The following SMAP1 variants were observed in gnomAD, a reference collection of about 807,000 sequenced individuals.
SMAP1 encodes stromal membrane-associated protein 1.
In SMAP1, 24 loss-of-function variants were observed where a neutral mutation model predicts 58.5. The ratio of observed to expected loss-of-function variants is 0.41; its 90% CI spans 0.30 to 0.58. The LOEUF (loss-of-function observed/expected upper bound fraction) is 0.58. Among genes scored for constraint, SMAP1 ranks in the 20% least tolerant of loss-of-function variants. The pLI is 0.29. For synonymous variants in SMAP1, 216 were observed against 196.6 expected (o/e 1.10, Z -0.82); for missense variants, 563 against 566.3 (o/e 0.99, Z 0.06).
chr6:70,676,277 CTCAAAGCATAATT>C (rs1285642750), intron 1 of SMAP1, among the ~76,000 whole-genome samples: 3 of 152,136 alleles, frequency 2.0e-5, no homozygotes, highest in Non-Finnish European at 4.4e-5. Flanking sequence ...TCTTGGGGAA[CTCAAAGCATAATT>C]GGTAATATAT....
intron 5 of SMAP1, among the ~76,000 whole-genome samples, chr6:70,795,521 C>A (rs1325379782): frequency 2.0e-5 from 3 of 152,142 alleles, no homozygotes; most frequent in Non-Finnish European, 2.9e-5. Flanking sequence ...GGCAGGAAAT[C>A]TCTCTGGGGC....
At chr6:70,847,171 A>G (rs909816603) in intron 7 of SMAP1, among the ~76,000 whole-genome samples, 3 of 152,196 alleles carry the variant, frequency 2.0e-5, no homozygotes, top group Non-Finnish European at 4.4e-5. Flanking sequence ...TACAGTTAAT[A>G]GAGTCATTTG....
intron 7 of SMAP1, among the ~76,000 whole-genome samples, chr6:70,844,369 AAGAC>A (rs1213751141): frequency 1.3e-5 from 2 of 152,104 alleles, no homozygotes; most frequent in Non-Finnish European, 2.9e-5. Flanking sequence ...TGTCTTCTGA[AAGAC>A]AGTAGCACCA....
chr6:70,705,124 A>G (rs939863898), intron 1 of SMAP1, among the ~76,000 whole-genome samples: 28 of 152,200 alleles, frequency 1.8e-4, no homozygotes, highest in Admixed American at 1.2e-3. Flanking sequence ...GTGAATGAAC[A>G]ATTAAGCTTC....
intron 2 of SMAP1, among the ~76,000 whole-genome samples, chr6:70,754,197 A>G (rs1468929247): frequency 1.1e-4 from 17 of 152,148 alleles, no homozygotes; most frequent in Non-Finnish European, 8.8e-5. Context: ...TAATATTGTA[A>G]TGTTCTTAAA....
At chr6:70,796,970 A>C (rs1020214597) in intron 5 of SMAP1, among the ~76,000 whole-genome samples, 4 of 152,130 alleles carry the variant, frequency 2.6e-5, no homozygotes, top group Non-Finnish European at 4.4e-5. Flanking sequence ...GCAATATACC[A>C]ATAGTTTGTT....
chr6:70,682,170 A>ATTTTTTTTTTTTTTTTTTTTTTTTT (rs66981900), intron 1 of SMAP1, among the ~76,000 whole-genome samples: 1 of 95,918 alleles, frequency 1.0e-5, no homozygotes, highest in Non-Finnish European at 2.0e-5. Context: ...CTCTGCACAG[A>ATTTTTTTTTTTTTTTTTTTTTTTTT]TTTTTTTTTT....
intron 10 of SMAP1, chr6:70,859,386 A>G (rs1771595261): frequency 6.5e-7 from 1 of 1,549,300 alleles, no homozygotes; most frequent in African/African-American, 1.4e-5. Flanking sequence ...CTACTGGCCA[A>G]TGACAAGGTG....
At chr6:70,786,374 T>A (rs1230200593) in intron 4 of SMAP1, among the ~76,000 whole-genome samples, 2 of 143,390 alleles carry the variant, frequency 1.4e-5, no homozygotes, top group African/African-American at 5.3e-5. Flanking sequence ...CTGGAAGCAT[T>A]CCCTTTGAAA....
intron 6 of SMAP1, among the ~76,000 whole-genome samples, chr6:70,809,486 C>T (rs1054592851): frequency 1.3e-5 from 2 of 152,096 alleles, no homozygotes; most frequent in African/African-American, 2.4e-5. Flanking sequence ...GTAAAAGTGA[C>T]AACCACTTGT....
intron 4 of SMAP1, among the ~76,000 whole-genome samples, chr6:70,790,842 G>C (rs1013848564): frequency 6.6e-6 from 1 of 152,198 alleles, no homozygotes; most frequent in Admixed American, 6.5e-5. Context: ...AGAGATGTCA[G>C]TTTTATGGCC....
At position 70,861,219 on chromosome 6, in the gene SMAP1, T is replaced by A. The variant is rs1242651913; in HGVS notation, c.*885T>A. ...CTATGATGTATACTGCCACTAACCT[T>A]CCAAAAATTACTTAGTATTGCAAAG... On this transcript the variant is annotated 3_prime_UTR_variant, in exon 11 of 11. Transcript: ENST00000370455. 1 of 171,158 alleles carries A rather than the reference T, an allele frequency of 5.8e-6. No homozygotes were observed. The highest frequency in any genetic ancestry group is 5.6e-5 in the Admixed American group (1 of 17,830). 10.6% of individuals were successfully genotyped at this position (171,158 alleles called of 1,614,324 possible).
chr6:70,774,842 G>A (rs1220280364), intron 4 of SMAP1, among the ~76,000 whole-genome samples: 4 of 151,432 alleles, frequency 2.6e-5, no homozygotes, highest in Admixed American at 6.6e-5. Flanking sequence ...GTGAAACCCC[G>A]TCTCTACTAA....
At chr6:70,740,033 G>T (rs948776506) in intron 2 of SMAP1, among the ~76,000 whole-genome samples, 7 of 151,912 alleles carry the variant, frequency 4.6e-5, no homozygotes, top group African/African-American at 1.7e-4. Flanking sequence ...GAAGTAGTAG[G>T]TTACAGTTTT....
intron 1 of SMAP1, 81 bp downstream of exon 1, chr6:70,668,222 G>A: frequency 7.7e-7 from 1 of 1,292,696 alleles, no homozygotes; most frequent in Non-Finnish European, 1.1e-6. Flanking sequence ...CTCGGGGCCC[G>A]AGCGGACGCC....
At chr6:70,823,349 C>T (rs760380030) in intron 6 of SMAP1, among the ~76,000 whole-genome samples, 7 of 152,136 alleles carry the variant, frequency 4.6e-5, no homozygotes, top group Non-Finnish European at 8.8e-5. Flanking sequence ...TCACAAGTGC[C>T]TCTATCCTGC....
intron 3 of SMAP1, chr6:70,759,889 T>A (rs759819980): frequency 9.4e-5 from 42 of 448,354 alleles, no homozygotes; most frequent in Non-Finnish European, 1.7e-4. Context: ...GTGTTTGCCC[T>A]ATGCCAAGCC....
At chr6:70,757,392 G>A (rs1294465260) in intron 3 of SMAP1, among the ~76,000 whole-genome samples, 8 of 151,654 alleles carry the variant, frequency 5.3e-5, no homozygotes, top group Non-Finnish European at 7.4e-5. Flanking sequence ...AGACTTAAAC[G>A]TTAGACCTAA....
At chr6:70,680,989 A>G (rs2128551667) in intron 1 of SMAP1, among the ~76,000 whole-genome samples, 1 of 152,066 alleles carries the variant, frequency 6.6e-6, no homozygotes, top group African/African-American at 2.4e-5. Flanking sequence ...CAGTGCTGGG[A>G]TTACGGTTGT....
Sources: allele counts gnomAD v4.1 joint callset (sites outside exome capture counted in the v4.1 genomes callset), GRCh38; gene constraint gnomAD v4.1.1; transcripts MANE v1.5; gene names NCBI Gene and HGNC (gene_info 2026-07-23, HGNC 2026-07-21).